The following PCDH15 variants were observed in gnomAD, a reference collection of about 807,000 sequenced individuals.
PCDH15 encodes protocadherin-15.
In PCDH15, 129 loss-of-function variants were observed where a neutral mutation model predicts 178.5. That is an observed-to-expected ratio of 0.72 (90% confidence interval 0.63 to 0.84). PCDH15 has a LOEUF of 0.84. PCDH15 is among the 40% of genes least tolerant of loss of function. The pLI is 0.00. For missense variants in PCDH15, 2,230 were observed against 2,099.9 expected, an observed-to-expected ratio of 1.06 and a Z score of -1.21; for synonymous variants, 800 against 732.0, an observed-to-expected ratio of 1.09 and a Z score of -1.50.
intron 3 of PCDH15, among the ~76,000 whole-genome samples, chr10:54,830,104 T>G (rs1240969452): frequency 2.6e-5 from 4 of 152,142 alleles, no homozygotes; most frequent in South Asian, 4.1e-4. Context: ...ATAATAACAC[T>G]TATTAACATA....
At chr10:55,003,444 GT>G (rs1339597855) in intron 2 of PCDH15, among the ~76,000 whole-genome samples, 315 of 143,760 alleles carry the variant, frequency 2.2e-3, no homozygotes, top group East Asian at 0.011. Context: ...AAACATTGCT[GT>G]TTTTTTTTTT....
intron 2 of PCDH15, among the ~76,000 whole-genome samples, chr10:54,994,114 A>G (rs577845222): frequency 6.6e-6 from 1 of 152,296 alleles, no homozygotes; most frequent in Admixed American, 6.5e-5. Context: ...GTCTCTTCAA[A>G]ATTTAAAATT....
intron 3 of PCDH15, among the ~76,000 whole-genome samples, chr10:54,441,688 C>T (rs183371833): frequency 3.9e-5 from 6 of 151,906 alleles, no homozygotes; most frequent in African/African-American, 7.2e-5. Flanking sequence ...GATAGAAATC[C>T]GTAGCTTAAC....
chr10:54,659,787 C>T (rs894101125), intron 2 of PCDH15, among the ~76,000 whole-genome samples: 1 of 150,368 alleles, frequency 6.7e-6, no homozygotes, highest in African/African-American at 2.4e-5. Flanking sequence ...AGGAGAAACT[C>T]TCAAAACCAC....
At chr10:54,381,033 CT>C (rs1473481779) in intron 3 of PCDH15, among the ~76,000 whole-genome samples, 12 of 151,174 alleles carry the variant, frequency 7.9e-5, no homozygotes, top group African/African-American at 2.7e-4. Context: ...CTGCTTTCCC[CT>C]TTAGAATTGT....
At chr10:55,170,328 A>T (rs1006168949) in intron 1 of PCDH15, among the ~76,000 whole-genome samples, 4 of 151,714 alleles carry the variant, frequency 2.6e-5, no homozygotes, top group Admixed American at 6.6e-5. Context: ...AAAAAAAAAA[A>T]TTGCAGAGAC....
At chr10:54,451,944 C>T (rs1040747087) in intron 3 of PCDH15, among the ~76,000 whole-genome samples, 7 of 152,024 alleles carry the variant, frequency 4.6e-5, no homozygotes, top group South Asian at 2.1e-4. Flanking sequence ...TCTTTACAGG[C>T]TAGTCATCCT....
intron 6 of PCDH15, among the ~76,000 whole-genome samples, chr10:54,336,472 G>C (rs974386699): frequency 6.6e-6 from 1 of 152,230 alleles, no homozygotes; most frequent in African/African-American, 2.4e-5. Flanking sequence ...CTAGGAACTC[G>C]GTGCCCCGTG....
At chr10:55,276,376 G>T (rs1199118175) in intron 1 of PCDH15, among the ~76,000 whole-genome samples, 1 of 150,984 alleles carries the variant, frequency 6.6e-6, no homozygotes, top group East Asian at 2.0e-4. Context: ...TGGACTTTAT[G>T]AATTTATGGA....
At chr10:54,909,124 AT>A (rs1954776121) in intron 2 of PCDH15, among the ~76,000 whole-genome samples, 4 of 152,092 alleles carry the variant, frequency 2.6e-5, no homozygotes, top group African/African-American at 9.7e-5. Flanking sequence ...AAAGGAGAAA[AT>A]GTGTGCTGAT....
At chr10:55,481,915 T>C (rs1408261602) in intron 2 of PCDH15, among the ~76,000 whole-genome samples, 1 of 151,644 alleles carries the variant, frequency 6.6e-6, no homozygotes, top group Non-Finnish European at 1.5e-5. Context: ...AGTGATCTAA[T>C]ACTGTCAGTG....
intron 2 of PCDH15, among the ~76,000 whole-genome samples, chr10:55,544,050 T>C (rs911501991): frequency 2.7e-5 from 4 of 149,110 alleles, no homozygotes; most frequent in Admixed American, 2.0e-4. Context: ...CAACTTCTGA[T>C]TAAACGCCAT....
intron 3 of PCDH15, among the ~76,000 whole-genome samples, chr10:54,818,453 A>G (rs1377680710): frequency 2.0e-5 from 3 of 151,896 alleles, no homozygotes; most frequent in Admixed American, 6.6e-5. Context: ...CCTTGAATCT[A>G]TGCTGGTTTG....
At chr10:54,972,083 C>T (rs1304019510) in intron 2 of PCDH15, among the ~76,000 whole-genome samples, 1 of 152,180 alleles carries the variant, frequency 6.6e-6, no homozygotes, top group African/African-American at 2.4e-5. Context: ...ACTCTCCCAT[C>T]TACTTCCCAC....
chr10:55,380,472 G>A (rs1837507277), intron 2 of PCDH15, among the ~76,000 whole-genome samples: 1 of 152,072 alleles, frequency 6.6e-6, no homozygotes, highest in African/African-American at 2.4e-5. Flanking sequence ...TGTTAGTATT[G>A]CAAACAACTT....
chr10:55,352,180 A>C (rs1374068977), intron 2 of PCDH15, among the ~76,000 whole-genome samples: 1 of 152,168 alleles, frequency 6.6e-6, no homozygotes, highest in Non-Finnish European at 1.5e-5. Flanking sequence ...TTTTGAATAA[A>C]TGTGGTTATA....
At chr10:53,957,491 T>C (rs1394114019) in intron 23 of PCDH15, among the ~76,000 whole-genome samples, 1 of 132,608 alleles carries the variant, frequency 7.5e-6, no homozygotes, top group Non-Finnish European at 1.6e-5. Flanking sequence ...CACCAAAGCC[T>C]ATATTTACTA....
chr10:54,825,787 C>G, intron 3 of PCDH15, among the ~76,000 whole-genome samples: 1 of 152,080 alleles, frequency 6.6e-6, no homozygotes, highest in Middle Eastern at 3.2e-3. Context: ...TAAACACAGT[C>G]ATCTTGACTA....
At chr10:55,538,524 C>CCCTTCCTTCCTCCTTTCCTTCCTT (rs1564442036) in intron 2 of PCDH15, among the ~76,000 whole-genome samples, 20 of 62,636 alleles carry the variant, frequency 3.2e-4, no homozygotes, top group African/African-American at 9.6e-4. Flanking sequence ...CTTCCTTCCT[C>CCCTTCCTTCCTCCTTTCCTTCCTT]CCTTCCTTCC....
Sources: gnomAD v4.1 joint callset for allele counts (sites outside exome capture counted in the v4.1 genomes callset) on GRCh38, gnomAD v4.1.1 for gene constraint, MANE v1.5 for transcripts, NCBI Gene and HGNC (gene_info 2026-07-23, HGNC 2026-07-21) for gene names.